TTC7B: variants seen among roughly 807,000 people sequenced by gnomAD.
TTC7B encodes tetratricopeptide repeat protein 7B.
In TTC7B, 28 loss-of-function variants were observed where a neutral mutation model predicts 106.8. The observed-to-expected ratio is 0.26, with a 90% CI of 0.19 to 0.36. The LOEUF is 0.36. TTC7B is among the 10% of genes least tolerant of loss of function. TTC7B has a pLI of 1.00. For synonymous variants in TTC7B, 405 were observed against 430.6 expected (o/e 0.94, Z 0.74); for missense variants, 862 against 1,076.4 (o/e 0.80, Z 2.79).
intron 3 of TTC7B, among the ~76,000 whole-genome samples, chr14:90,751,793 C>T (rs554454064): frequency 6.6e-6 from 1 of 152,116 alleles, no homozygotes; most frequent in Non-Finnish European, 1.5e-5. Context: ...TTTCAAACCC[C>T]TTCCATGTGC....
chr14:90,700,267 C>T (rs917129302), intron 5 of TTC7B, among the ~76,000 whole-genome samples: 3 of 152,166 alleles, frequency 2.0e-5, no homozygotes, highest in Non-Finnish European at 4.4e-5. Flanking sequence ...AAGAAAAGTT[C>T]CAGGCATTTC....
chr14:90,573,647 TGGTCCCTCTCTGGCTCAC>T (rs1202366134), intron 19 of TTC7B, among the ~76,000 whole-genome samples: 1 of 146,242 alleles, frequency 6.8e-6, no homozygotes, highest in Non-Finnish European at 1.5e-5. Flanking sequence ...TTCGGGCTCA[TGGTCCCTCTCTGGCTCAC>T]GGTCCCTCTC....
At chr14:90,699,100 CAT>C (rs1329628566) in intron 5 of TTC7B, 1 of 450,080 alleles carries the variant, frequency 2.2e-6, no homozygotes, top group Non-Finnish European at 4.5e-6. Flanking sequence ...CCTTGGGCCC[CAT>C]GGCAGCACCT....
chr14:90,794,208 T>C (rs28726266), intron 1 of TTC7B, among the ~76,000 whole-genome samples: 250 of 24,914 alleles, frequency 0.01, 20 homozygotes, highest in Non-Finnish European at 0.028. Context: ...TGGCTGGGTA[T>C]TTCTTTTTTT....
chr14:90,716,664 C>T (rs1430221870), intron 5 of TTC7B, among the ~76,000 whole-genome samples: 1 of 152,140 alleles, frequency 6.6e-6, no homozygotes, highest in Non-Finnish European at 1.5e-5. Context: ...ATAATTGCAT[C>T]TTTTAAAAAG....
intron 3 of TTC7B, among the ~76,000 whole-genome samples, chr14:90,760,632 G>C (rs1400806932): frequency 1.3e-5 from 2 of 152,232 alleles, no homozygotes; most frequent in Non-Finnish European, 2.9e-5. Context: ...GGAAAGCTCT[G>C]TGTCATCGGC....
chr14:90,635,753 C>CT (rs1159968847), intron 15 of TTC7B, among the ~76,000 whole-genome samples: 17 of 93,234 alleles, frequency 1.8e-4, no homozygotes, highest in African/African-American at 5.4e-4. Flanking sequence ...GAGTCAGACT[C>CT]TGTCTCAAAA....
In TTC7B at chr14:90,802,539, C is replaced by T. The variant is rs1302202709; in HGVS notation, c.121+13636G>A. Among the ~76,000 whole-genome samples the T allele has an allele frequency of 2.0e-5, 3 of 152,058 alleles. No homozygotes were observed. Among genetic ancestry groups the T allele is most frequent in the Admixed American group, 2.0e-4 (3 of 15,252 alleles). ...ATGAAACAAGGGAGTTTCCTAATTG[C>T]TTTTATTTCCTCAGTAAAGTATGAG... On this transcript the variant is annotated intron_variant, in intron 1 of 19. Transcript: ENST00000328459. This position sits in a 1 kb window ranked among gnomAD's most constrained non-coding sequence, Gnocchi z 4.7.
At chr14:90,750,284 T>C (rs1299007957) in intron 3 of TTC7B, among the ~76,000 whole-genome samples, 4 of 152,202 alleles carry the variant, frequency 2.6e-5, no homozygotes, top group Non-Finnish European at 2.9e-5. Flanking sequence ...TGCAAGTTGA[T>C]ATCAGGGATT....
In TTC7B at chr14:90,771,106, G is replaced by A. The variant is rs184170299; in HGVS notation, c.445+9632C>T. 2.6e-5 allele frequency among the ~76,000 whole-genome samples: 4 copies of A among 152,142 alleles called. No individual in the cohort carries two copies. In the South Asian group the frequency reaches 6.2e-4, roughly 24 times the overall value. ...TTAAAAGGGAAAGAGTTCTGGAGAC[G>A]GATGGTGGTGACAGTTGCACAGCAA... On this transcript the variant is annotated intron_variant, in intron 3 of 19. Coordinates refer to ENST00000328459, the MANE Select transcript of TTC7B (RefSeq NM_001010854.2).
chr14:90,694,364 T>C (rs1887591803), intron 6 of TTC7B, among the ~76,000 whole-genome samples: 1 of 152,092 alleles, frequency 6.6e-6, no homozygotes, highest in South Asian at 2.1e-4. Context: ...AAAATGGGGA[T>C]TGACTACTAA....
chr14:90,700,318 C>T (rs1887935807), intron 5 of TTC7B, among the ~76,000 whole-genome samples: 1 of 152,198 alleles, frequency 6.6e-6, no homozygotes, highest in South Asian at 2.1e-4. Flanking sequence ...ACTTGCTCCT[C>T]TGTCTGCAGG....
chr14:90,809,510 A>G (rs1200832978), intron 1 of TTC7B, among the ~76,000 whole-genome samples: 1 of 152,234 alleles, frequency 6.6e-6, no homozygotes, highest in Admixed American at 6.5e-5. Flanking sequence ...TGCTGGATTG[A>G]CAACCAGGGA....
intron 5 of TTC7B, among the ~76,000 whole-genome samples, chr14:90,720,572 T>A (rs1442769705): frequency 6.6e-6 from 1 of 152,058 alleles, no homozygotes; most frequent in Non-Finnish European, 1.5e-5. Context: ...TTCACGATAC[T>A]CCCATCCAGA....
chr14:90,616,477 C>A (rs1893079690), intron 16 of TTC7B, among the ~76,000 whole-genome samples: 1 of 143,452 alleles, frequency 7.0e-6, no homozygotes, highest in Non-Finnish European at 1.5e-5. Context: ...CGCCGCGCCG[C>A]TGTTCCTGTG....
At position 90,562,929 on chromosome 14, in the gene TTC7B, C is replaced by T. The variant is rs144963462; in HGVS notation, c.2310+15177G>A. Among the ~76,000 whole-genome samples, 1,358 of 152,304 alleles carry T rather than the reference C, an allele frequency of 8.9e-3. 12 individuals are homozygous for T. The highest frequency in any genetic ancestry group is 0.029 in the South Asian group (141 of 4,820). On this transcript the variant is annotated intron_variant, in intron 19 of 19. Transcript: ENST00000328459. The stretch of plus-strand genomic sequence containing the variant: ...CTGCCAGCACTTGGCCCACAAACCA[C>T]GAGCACAGACCCGCACCTCCCTCCC...
chr14:90,756,375 T>C (rs149566462), intron 3 of TTC7B, among the ~76,000 whole-genome samples: 27,414 of 76,066 alleles, frequency 0.36, 2,676 homozygotes, highest in Non-Finnish European at 0.41. Flanking sequence ...TTTTCTTCTT[T>C]TTTTTTTTGT....
rs535190915 is a variant in TTC7B at position 90,609,704 on chromosome 14, G to A, written c.1966+1038C>T. Among the ~76,000 whole-genome samples the A allele has an allele frequency of 5.3e-5, 8 of 152,298 alleles. No homozygotes were observed. In the South Asian group the frequency reaches 1.7e-3, roughly 32 times the overall value. On this transcript the variant is annotated intron_variant, in intron 17 of 19. Coordinates refer to ENST00000328459, the MANE Select transcript of TTC7B (RefSeq NM_001010854.2). ...TTGTACACGGTCCCCTGTGGGTGGG[G>A]GAGAAGGAACAGGAGCAGGTTCCAA...
At chr14:90,613,371 C>T (rs550707830) in intron 16 of TTC7B, among the ~76,000 whole-genome samples, 15 of 151,052 alleles carry the variant, frequency 9.9e-5, no homozygotes, top group Middle Eastern at 3.4e-3. Flanking sequence ...CCAGCCTGGG[C>T]GACAGAGCAA....
Sources: allele counts gnomAD v4.1 joint callset (sites outside exome capture counted in the v4.1 genomes callset), GRCh38; gene constraint gnomAD v4.1.1; non-coding constraint Gnocchi (gnomAD v3.1); transcripts MANE v1.5; gene names NCBI Gene and HGNC (gene_info 2026-07-23, HGNC 2026-07-21).